HDHD5: variants seen among roughly 807,000 people sequenced by gnomAD.
HDHD5 encodes the protein haloacid dehalogenase like hydrolase domain containing 5.
A neutral mutation model predicts 35.5 loss-of-function variants in HDHD5; 34 were observed. That is an observed-to-expected ratio of 0.96 (90% CI 0.73 to 1.28). The LOEUF (loss-of-function observed/expected upper bound fraction) is 1.28. HDHD5 is among the 50% of genes most tolerant of loss of function. The pLI, the probability that HDHD5 is intolerant of heterozygous loss-of-function variation, is 0.00. For synonymous variants in HDHD5, 248 were observed against 240.6 expected (o/e 1.03, Z -0.29); for missense variants, 589 against 560.2 (o/e 1.05, Z -0.52).
upstream of HDHD5, chr22:17,159,284 C>T (rs1355352043): frequency 8.1e-6 from 8 of 989,300 alleles, no homozygotes; most frequent in East Asian, 7.6e-5. Context: ...GCACGGCGTG[C>T]GGCCCCCCCC....
In HDHD5 at chr22:17,138,260, T is replaced by C. The variant is rs1422617426; in HGVS notation, c.1033A>G (p.Thr345Ala). Reference protein sequence around the residue: ...DGAPELGAGGTRQQQPSASQS... With the variant: ...DGAPELGAGGARQQQPSASQS... ...CTTGCTGAGGGCTGTTGCTGCCGTG[T>C]GCCCCCGGCCCCTAGTTCTGGCGCC... The change falls in exon 8 of 8, where the codon ACA becomes GCA. Residue 345 changes from threonine to alanine, a missense_variant. Thr to Ala is a moderately conservative substitution (Grantham distance 58). Coordinates refer to ENST00000336737, the MANE Select transcript of HDHD5 (RefSeq NM_033070.3). 1 of 1,614,112 alleles carries C rather than the reference T, an allele frequency of 6.2e-7. No individual in the cohort carries two copies. The highest frequency in any genetic ancestry group is 1.7e-5 in the Admixed American group (1 of 60,006).
upstream of HDHD5, among the ~76,000 whole-genome samples, chr22:17,160,600 G>C (rs1182186612): frequency 6.6e-6 from 1 of 150,818 alleles, no homozygotes; most frequent in Non-Finnish European, 1.5e-5. Context: ...AGTGAGCCGA[G>C]ATTGCGCCAA....
intron 4 of HDHD5, among the ~76,000 whole-genome samples, chr22:17,144,177 T>C (rs1368089152): frequency 6.6e-6 from 1 of 152,174 alleles, no homozygotes; most frequent in African/African-American, 2.4e-5. Context: ...CGGGATGCTG[T>C]GGCTCTGAAA....
chr22:17,143,483 G>A (rs150388066), intron 4 of HDHD5: 122 of 207,746 alleles, frequency 5.9e-4, no homozygotes, highest in Non-Finnish European at 9.7e-4. Context: ...GCGGCATCAC[G>A]CCTGATGGGC....
chr22:17,164,529 C>G (rs545875670), intron 1 of HDHD5, among the ~76,000 whole-genome samples: 71 of 152,362 alleles, frequency 4.7e-4, no homozygotes, highest in African/African-American at 1.6e-3. Flanking sequence ...TCCCTCACGG[C>G]CTTCACTGCA....
rs1373842665 is a variant in HDHD5 at position 17,137,920 on chromosome 22, G to T, written c.*101C>A. The T allele has an allele frequency of 2.0e-5, 19 of 973,920 alleles. No homozygotes were observed. The East Asian group carries it at 5.0e-4, about 25-fold the overall frequency. 60.3% of individuals were successfully genotyped at this position (973,920 alleles called of 1,614,324 possible). A position where few individuals can be genotyped will look rare whatever the true frequency, so the allele number is the denominator to read the frequency against. The stretch of plus-strand genomic sequence containing the variant: ...ATGGGGCAGCAAGAAGGGTGGCAAG[G>T]GAACCAAGCCCTGACCTGAGCCCAG... On this transcript the variant is annotated 3_prime_UTR_variant, in exon 8 of 8. Coordinates refer to ENST00000336737, the MANE Select transcript of HDHD5 (RefSeq NM_033070.3).
rs1159016954 is a variant in HDHD5, at chr22:17,138,043, T to A, written c.1250A>T (p.Lys417Met). ...VNEAVQLVFR[K>M]EGWALE ...CCCTCACTCCAAAGCCCAGCCCTCC[T>A]TGCGGAAGACCAGCTGCACAGCCTC... The change falls in exon 8 of 8, where the codon AAG becomes ATG. Residue 417 changes from lysine (K) to methionine (M), a missense_variant. Lys to Met is a moderately conservative substitution (Grantham distance 95, BLOSUM62 -1). Transcript: ENST00000336737. The A allele has an allele frequency of 1.2e-6, 2 of 1,613,006 alleles. No individual in the cohort carries two copies. The highest frequency in any genetic ancestry group is 1.7e-6 in the Non-Finnish European group (2 of 1,179,202).
In HDHD5 at chr22:17,159,277, C is replaced by G. The variant is rs780404942; in HGVS notation, c.-26G>C. 73 of 1,176,078 alleles carry G rather than the reference C, an allele frequency of 6.2e-5. 1 individual carries two copies. In the Middle Eastern group the frequency reaches 2.0e-3, roughly 32 times the overall value. 72.9% of individuals were successfully genotyped at this position (1,176,078 alleles called of 1,614,324 possible). On this transcript the variant is annotated 5_prime_UTR_variant, in exon 1 of 8. Transcript: ENST00000336737. ...CCGGCCGTCGCCGTGCGCACGTGCA[C>G]GGCGTGCGGCCCCCCCCCCCCGCGA...
upstream of HDHD5, chr22:17,159,404 C>T (rs1361070306): frequency 7.1e-6 from 6 of 839,532 alleles, no homozygotes; most frequent in East Asian, 1.8e-4. Context: ...TGGAACTCGA[C>T]CCGCAGGCCA....
intron 2 of HDHD5, among the ~76,000 whole-genome samples, chr22:17,149,224 G>A (rs1232323955): frequency 6.6e-6 from 1 of 152,200 alleles, no homozygotes; most frequent in Non-Finnish European, 1.5e-5. Flanking sequence ...TCCTTCAGGT[G>A]CACACATCAT....
At chr22:17,140,351 G>T (rs891058073) in intron 6 of HDHD5, among the ~76,000 whole-genome samples, 4 of 152,186 alleles carry the variant, frequency 2.6e-5, no homozygotes, top group African/African-American at 9.7e-5. Context: ...AGCTGAGCAG[G>T]GAGTATAGGC....
In HDHD5 at chr22:17,149,606, G is replaced by C; in HGVS notation, c.266C>G (p.Thr89Arg). The C allele has an allele frequency of 6.2e-7, 1 of 1,613,236 alleles. No homozygotes were observed. Among genetic ancestry groups the C allele is most frequent in the Non-Finnish European group, 8.5e-7 (1 of 1,180,020 alleles). Residue 89 changes from threonine (T) to arginine (R), a missense_variant, in exon 2 of 8, where the codon ACA (threonine) becomes AGA (arginine). By Grantham distance (71) the Thr-to-Arg change is moderately conservative. Transcript: ENST00000336737. ...GQLRVPVVFVTNAGNILQHSK... is the reference protein window; with the variant it reads ...GQLRVPVVFVRNAGNILQHSK... Reference sequence around the variant, plus strand: ...GTGTTGTAAGATGTTCCCAGCATTTGTAACAAAAACCACGGGCACCCGCAG... The same window carrying C: ...GTGTTGTAAGATGTTCCCAGCATTTCTAACAAAAACCACGGGCACCCGCAG...
rs1171103939 is a variant in HDHD5 at position 17,138,569 on chromosome 22, G to A, written c.916C>T (p.Arg306Trp). Residue 306 changes from arginine (R) to tryptophan (W), a missense_variant, in exon 7 of 8, where the codon CGG becomes TGG. Arg to Trp is a moderately radical substitution (Grantham distance 101). Coordinates refer to ENST00000336737, the MANE Select transcript of HDHD5 (RefSeq NM_033070.3). ...GCCTACCCCACAGCATAGAGCTTCC[G>A]GATGGGGGCGGCCCAGCCCCGCCTC... is the stretch of plus-strand genomic sequence containing the variant. ...AERRGWAAPIRKLYAVGDNPM... is the reference protein window; with the variant it reads ...AERRGWAAPIWKLYAVGDNPM... 13 of 1,613,968 alleles carry A rather than the reference G, an allele frequency of 8.1e-6. No homozygotes were observed. Among genetic ancestry groups the A allele is most frequent in the Admixed American group, 1.7e-5 (1 of 59,986 alleles).
chr22:17,142,813 T>G, intron 5 of HDHD5: 1 of 353,144 alleles, frequency 2.8e-6, no homozygotes. Flanking sequence ...GAGAACTGGG[T>G]TTAAAAGTTG....
At chr22:17,149,300 A>G (rs535016630) in intron 2 of HDHD5, among the ~76,000 whole-genome samples, 1 of 152,304 alleles carries the variant, frequency 6.6e-6, no homozygotes, top group East Asian at 1.9e-4. Flanking sequence ...AGTTCTAGAC[A>G]TGTGTGTGAC....
chr22:17,164,332 C>T (rs1054127552), intron 1 of HDHD5, among the ~76,000 whole-genome samples: 4 of 151,864 alleles, frequency 2.6e-5, no homozygotes, highest in African/African-American at 9.7e-5. Context: ...AACCTGCTAA[C>T]ACCCACACAC....
intron 5 of HDHD5, 154 bp downstream of exon 5, chr22:17,142,944 G>A: frequency 4.4e-6 from 3 of 682,848 alleles, no homozygotes; most frequent in Non-Finnish European, 7.5e-6. Flanking sequence ...TCTCAGAGGT[G>A]GTAAGTGGCA....
intron 1 of HDHD5, among the ~76,000 whole-genome samples, chr22:17,155,445 C>A (rs1057228378): frequency 6.6e-6 from 1 of 152,096 alleles, no homozygotes; most frequent in African/African-American, 2.4e-5. Context: ...CGGGGTTTCA[C>A]CATATTGGCC....
chr22:17,161,303 A>T (rs2061862530), upstream of HDHD5, among the ~76,000 whole-genome samples: 1 of 151,522 alleles, frequency 6.6e-6, no homozygotes, highest in Non-Finnish European at 1.5e-5. Context: ...TCATGCCTGT[A>T]ATCCCAGCAC....
Sources: gnomAD v4.1 joint callset for allele counts (sites outside exome capture counted in the v4.1 genomes callset) on GRCh38, gnomAD v4.1.1 for gene constraint, MANE v1.5 for transcripts, NCBI Gene and HGNC (gene_info 2026-07-23, HGNC 2026-07-21) for gene names.